The following FAM210A variants were observed in gnomAD, a reference collection of about 807,000 sequenced individuals.
The protein encoded by FAM210A is family with sequence similarity 210 member A.
A neutral mutation model predicts 25.3 loss-of-function variants in FAM210A; 13 were observed. That is an observed-to-expected ratio of 0.51 (90% CI 0.33 to 0.82). The LOEUF is 0.82. Among genes scored for constraint, FAM210A ranks in the 40% least tolerant of loss-of-function variants. The pLI is 0.02. For missense variants in FAM210A, 319 were observed against 323.2 expected (o/e 0.99, Z 0.10); for synonymous variants, 125 against 118.7 (o/e 1.05, Z -0.35).
At chr18:13,689,688 A>G (rs2043626322) in intron 1 of FAM210A, among the ~76,000 whole-genome samples, 1 of 152,242 alleles carries the variant, frequency 6.6e-6, no homozygotes, top group African/African-American at 2.4e-5. Context: ...AAATTTAAAA[A>G]GTATACCGAT....
intron 1 of FAM210A, among the ~76,000 whole-genome samples, chr18:13,699,850 G>A (rs1184550982): frequency 2.0e-5 from 3 of 152,056 alleles, no homozygotes; most frequent in Non-Finnish European, 4.4e-5. Context: ...TCTATGACCT[G>A]GTCAAACCAA....
chr18:13,677,654 T>G (rs1286888528), intron 2 of FAM210A, among the ~76,000 whole-genome samples: 2 of 152,164 alleles, frequency 1.3e-5, no homozygotes, highest in African/African-American at 4.8e-5. Context: ...TAGTTTTTAC[T>G]TCTTTCTTTG....
At chr18:13,688,822 C>A (rs908002266) in intron 1 of FAM210A, among the ~76,000 whole-genome samples, 16 of 152,248 alleles carry the variant, frequency 1.1e-4, no homozygotes, top group African/African-American at 3.9e-4. Flanking sequence ...ATGGCCTGCA[C>A]GGAGTTCGCT....
At chr18:13,675,771 G>C (rs201888368) in intron 2 of FAM210A, among the ~76,000 whole-genome samples, 116 of 7,492 alleles carry the variant, frequency 0.015, no homozygotes, top group Admixed American at 0.025. Flanking sequence ...CCAGTTTCCT[G>C]ATTATTAACA....
intron 1 of FAM210A, among the ~76,000 whole-genome samples, chr18:13,712,241 A>G (rs1420769199): frequency 6.6e-6 from 1 of 152,224 alleles, no homozygotes; most frequent in Non-Finnish European, 1.5e-5. Flanking sequence ...CTATTAAGAC[A>G]CAGGGAAAAA....
At chr18:13,707,716 T>C (rs781169791) in intron 1 of FAM210A, among the ~76,000 whole-genome samples, 4 of 152,242 alleles carry the variant, frequency 2.6e-5, no homozygotes, top group African/African-American at 4.8e-5. Flanking sequence ...GCAGACAAGA[T>C]TGAAAACCTA....
At chr18:13,698,794 C>T (rs578257064) in intron 1 of FAM210A, among the ~76,000 whole-genome samples, 2 of 152,264 alleles carry the variant, frequency 1.3e-5, no homozygotes, top group Non-Finnish European at 2.9e-5. Context: ...CGATATCCTC[C>T]GGGGCAGCAA....
chr18:13,690,857 G>A (rs2043637419), intron 1 of FAM210A, among the ~76,000 whole-genome samples: 1 of 152,138 alleles, frequency 6.6e-6, no homozygotes, highest in South Asian at 2.1e-4. Flanking sequence ...CTCCTCCAAG[G>A]GAACACAGCT....
intron 1 of FAM210A, among the ~76,000 whole-genome samples, chr18:13,718,176 GTTGTT>G (rs1437909511): frequency 1.3e-5 from 2 of 152,174 alleles, no homozygotes; most frequent in Admixed American, 6.5e-5. Flanking sequence ...ATAAACCTGT[GTTGTT>G]TTAAGTTGCT....
At chr18:13,667,237 T>A (rs1360050031) in intron 3 of FAM210A, among the ~76,000 whole-genome samples, 1 of 152,202 alleles carries the variant, frequency 6.6e-6, no homozygotes, top group Non-Finnish European at 1.5e-5. Flanking sequence ...TACCTTCTCA[T>A]CACAATCTAC....
chr18:13,675,307 TC>T (rs58033228), intron 2 of FAM210A, among the ~76,000 whole-genome samples: 3 of 103,424 alleles, frequency 2.9e-5, no homozygotes, highest in Non-Finnish European at 6.3e-5. Context: ...AGACCCGACT[TC>T]ATTTCCAGTT....
chr18:13,682,895 T>C (rs75907552), intron 1 of FAM210A, among the ~76,000 whole-genome samples: 2,709 of 152,144 alleles, frequency 0.018, 31 homozygotes, highest in Middle Eastern at 0.061. Flanking sequence ...AATAAAAATC[T>C]CATAAAACAC....
chr18:13,712,509 T>C (rs1313072409), intron 1 of FAM210A, among the ~76,000 whole-genome samples: 1 of 152,070 alleles, frequency 6.6e-6, no homozygotes, highest in Non-Finnish European at 1.5e-5. Context: ...ATTATGACAT[T>C]AGGAGGTAGG....
intron 3 of FAM210A, among the ~76,000 whole-genome samples, 167 bp downstream of exon 3, chr18:13,671,690 CAAAAA>C (rs59667158): frequency 1.3e-5 from 1 of 79,502 alleles, no homozygotes; most frequent in South Asian, 3.7e-4. Context: ...ACTCCATCTC[CAAAAA>C]AAAAAAAAAA....
At chr18:13,692,149 A>G (rs571505052) in intron 1 of FAM210A, among the ~76,000 whole-genome samples, 1 of 151,732 alleles carries the variant, frequency 6.6e-6, no homozygotes, top group African/African-American at 2.4e-5. Flanking sequence ...AAAAGAGACA[A>G]AGAAGGGCAT....
At chr18:13,696,474 A>AT in intron 1 of FAM210A, among the ~76,000 whole-genome samples, 1 of 152,244 alleles carries the variant, frequency 6.6e-6, no homozygotes, top group East Asian at 1.9e-4. Flanking sequence ...TATATGATAA[A>AT]GGACTTGTAT....
intron 1 of FAM210A, among the ~76,000 whole-genome samples, chr18:13,719,224 C>A (rs903620115): frequency 1.8e-4 from 4 of 22,068 alleles, no homozygotes; most frequent in African/African-American, 7.2e-4. Flanking sequence ...AATTACAATG[C>A]AGCTTAACTA....
At chr18:13,698,614 A>G (rs751765469) in intron 1 of FAM210A, among the ~76,000 whole-genome samples, 8 of 152,138 alleles carry the variant, frequency 5.3e-5, no homozygotes, top group Non-Finnish European at 1.0e-4. Flanking sequence ...GCAGGGGTTC[A>G]GGCCATGAGA....
At chr18:13,672,929 G>A (rs982937009) in intron 2 of FAM210A, among the ~76,000 whole-genome samples, 1 of 152,210 alleles carries the variant, frequency 6.6e-6, no homozygotes, top group Admixed American at 6.5e-5. Context: ...AGAAGGCAGA[G>A]AAAGTCTCCA....
Sources: gnomAD v4.1 joint callset for allele counts (sites outside exome capture counted in the v4.1 genomes callset) on GRCh38, gnomAD v4.1.1 for gene constraint, MANE v1.5 for transcripts, NCBI Gene and HGNC (gene_info 2026-07-23, HGNC 2026-07-21) for gene names.